RSF1: variants seen among roughly 807,000 people sequenced by gnomAD.
RSF1 encodes HBV pX-associated protein 8.
In RSF1, 13 loss-of-function variants were observed where a neutral mutation model predicts 145.2. The ratio of observed to expected loss-of-function variants is 0.09; its 90% CI spans 0.06 to 0.14. The LOEUF (loss-of-function observed/expected upper bound fraction) is 0.14, where lower values mean the gene tolerates loss of function less well. Ranked by LOEUF, RSF1 falls within the 10% of genes least tolerant of loss-of-function variation. RSF1 has a pLI of 1.00. For missense variants in RSF1, 1,517 were observed against 1,718.2 expected, an observed-to-expected ratio of 0.88 and a Z score of 2.07; for synonymous variants, 577 against 592.6, an observed-to-expected ratio of 0.97 and a Z score of 0.38.
At chr11:77,807,731 G>A (rs946797340) in intron 1 of RSF1, among the ~76,000 whole-genome samples, 1 of 152,204 alleles carries the variant, frequency 6.6e-6, no homozygotes, top group African/African-American at 2.4e-5. Flanking sequence ...CAGAGATTCT[G>A]ATTTCAATGG....
chr11:77,741,869 G>C (rs1034375807), intron 3 of RSF1, among the ~76,000 whole-genome samples: 1 of 152,066 alleles, frequency 6.6e-6, no homozygotes, highest in African/African-American at 2.4e-5. Flanking sequence ...CCTAATCCCT[G>C]GTAATCACCA....
At chr11:77,849,645 GTTTTT>G in the RSF1 span, among the ~76,000 whole-genome samples, 1 of 150,818 alleles carries the variant, frequency 6.6e-6, no homozygotes, top group Non-Finnish European at 1.5e-5. Context: ...TTTTTTGTGT[GTTTTT>G]TTTTAATTAT....
the RSF1 span, among the ~76,000 whole-genome samples, chr11:77,870,244 C>T: frequency 6.7e-5 from 10 of 148,964 alleles, no homozygotes; most frequent in Non-Finnish European, 1.2e-4. Context: ...TGGTCTTGAG[C>T]TCCTGAGCTC....
At chr11:77,807,005 C>T (rs770481657) in intron 1 of RSF1, among the ~76,000 whole-genome samples, 3 of 152,092 alleles carry the variant, frequency 2.0e-5, no homozygotes, top group Non-Finnish European at 2.9e-5. Context: ...AAAATTAATT[C>T]CTTATAGAAT....
chr11:77,833,271 T>C, the RSF1 span, among the ~76,000 whole-genome samples: 2 of 152,026 alleles, frequency 1.3e-5, no homozygotes. Flanking sequence ...GAAATAATTA[T>C]ACAACTGACC....
chr11:77,868,197 A>G, the RSF1 span, among the ~76,000 whole-genome samples: 1 of 150,964 alleles, frequency 6.6e-6, no homozygotes, highest in Non-Finnish European at 1.5e-5. Context: ...CTGGGATTAC[A>G]GGCACCCGCT....
At chr11:77,671,179 T>G (rs57989355) in intron 15 of RSF1, among the ~76,000 whole-genome samples, 10 of 84,568 alleles carry the variant, frequency 1.2e-4, no homozygotes, top group African/African-American at 4.0e-4. Flanking sequence ...ATATATATAT[T>G]TATATGTATA....
At chr11:77,737,188 C>T (rs1462906249) in intron 4 of RSF1, among the ~76,000 whole-genome samples, 5 of 152,158 alleles carry the variant, frequency 3.3e-5, no homozygotes, top group African/African-American at 1.2e-4. Context: ...TGGTTCACAC[C>T]TGTAATCCCA....
At chr11:77,715,444 T>C (rs1363786635) in intron 5 of RSF1, among the ~76,000 whole-genome samples, 1 of 152,084 alleles carries the variant, frequency 6.6e-6, no homozygotes, top group African/African-American at 2.4e-5. Context: ...AACAATGTTT[T>C]ATTTTATTTA....
Position 77,785,503 on chromosome 11 carries a change from T to C in RSF1, c.188-20814A>G, listed in dbSNP as rs752137905. On this transcript the variant is annotated intron_variant, in intron 1 of 15. Coordinates refer to ENST00000308488, the MANE Select transcript of RSF1 (RefSeq NM_016578.4). ...TACTTAGGAGGCTGAGGCAGGAGAA[T>C]TGCTTGAACCTGGGAGGCGGAGGTT... Among the ~76,000 whole-genome samples the C allele has an allele frequency of 5.3e-5, 8 of 152,146 alleles. No individual in the cohort carries two copies. The South Asian group carries it at 6.2e-4, about 12-fold the overall frequency.
At chr11:77,820,208 C>G (rs1394372495) in intron 1 of RSF1, among the ~76,000 whole-genome samples, 1 of 152,170 alleles carries the variant, frequency 6.6e-6, no homozygotes, top group African/African-American at 2.4e-5. Context: ...TGGGGGGCCG[C>G]CCTCCGCCGC....
At chr11:77,871,679 C>A in the RSF1 span, among the ~76,000 whole-genome samples, 4 of 152,130 alleles carry the variant, frequency 2.6e-5, no homozygotes, top group African/African-American at 7.2e-5. Flanking sequence ...AAGAGCTAGC[C>A]TAACATTTCT....
At chr11:77,792,073 T>C (rs568335399) in intron 1 of RSF1, among the ~76,000 whole-genome samples, 38 of 152,280 alleles carry the variant, frequency 2.5e-4, no homozygotes, top group African/African-American at 9.1e-4. Context: ...GTTTATTGCA[T>C]TTGCAGTTCC....
At chr11:77,769,097 G>A (rs759402960) in intron 1 of RSF1, among the ~76,000 whole-genome samples, 27 of 151,928 alleles carry the variant, frequency 1.8e-4, no homozygotes, top group Admixed American at 1.1e-3. Context: ...TCGCTCTGTC[G>A]CCCAGGCTGG....
Position 77,730,803 on chromosome 11 carries a change from G to A in RSF1, c.579-5104C>T, listed in dbSNP as rs185708359. On this transcript the variant is annotated intron_variant, in intron 4 of 15. Transcript: ENST00000308488. Reference sequence around the variant, plus strand: ...CAAGCTTTCTTTTCCTGCCGCCATTGATGTAAGACATGACTTGCTCCTCCT... The same window carrying A: ...CAAGCTTTCTTTTCCTGCCGCCATTAATGTAAGACATGACTTGCTCCTCCT... 1.3e-3 allele frequency among the ~76,000 whole-genome samples: 202 copies of A among 152,282 alleles called. 1 individual carries two copies. Among genetic ancestry groups the A allele is most frequent in the Non-Finnish European group, 2.2e-3 (152 of 68,024 alleles).
intron 11 of RSF1, among the ~76,000 whole-genome samples, chr11:77,679,163 G>C (rs1829452609): frequency 6.6e-6 from 1 of 152,142 alleles, no homozygotes. Context: ...ATTAAAATTT[G>C]AATTATAGGT....
At chr11:77,765,991 G>A (rs113260310) in intron 1 of RSF1, among the ~76,000 whole-genome samples, 10,580 of 152,074 alleles carry the variant, frequency 0.07, 589 homozygotes, top group Admixed American at 0.16. Flanking sequence ...CAGGCGATCT[G>A]CCCACCTTGG....
intron 1 of RSF1, among the ~76,000 whole-genome samples, chr11:77,784,521 G>A (rs1227520126): frequency 6.6e-6 from 1 of 151,830 alleles, no homozygotes; most frequent in Non-Finnish European, 1.5e-5. Context: ...CAGTTTCTCA[G>A]CACAGCTAGT....
intron 9 of RSF1, among the ~76,000 whole-genome samples, chr11:77,690,173 A>AC (rs1308773962): frequency 2.0e-5 from 3 of 150,622 alleles, no homozygotes; most frequent in Admixed American, 6.6e-5. Flanking sequence ...AAAAAAAAAA[A>AC]AAAAAAACAA....
Sources: gnomAD v4.1 joint callset for allele counts (sites outside exome capture counted in the v4.1 genomes callset) on GRCh38, gnomAD v4.1.1 for gene constraint, MANE v1.5 for transcripts, NCBI Gene and HGNC (gene_info 2026-07-23, HGNC 2026-07-21) for gene names.